Variants in ARHGAP35 observed in about 807,000 individuals in gnomAD.
The protein encoded by ARHGAP35 is rho GTPase-activating protein 35.
ARHGAP35 carries 15 observed loss-of-function variants against 111.1 expected under a neutral mutation model. The ratio of observed to expected loss-of-function variants is 0.13; its 90% confidence interval spans 0.09 to 0.21. The LOEUF (loss-of-function observed/expected upper bound fraction) is 0.21, where lower values mean the gene tolerates loss of function less well. ARHGAP35 is among the 10% of genes least tolerant of loss of function. The pLI is 1.00. For synonymous variants in ARHGAP35, 643 were observed against 710.3 expected (o/e 0.91, Z 1.51); for missense variants, 1,262 against 1,873.0 (o/e 0.67, Z 6.02).
At chr19:46,867,750 T>TA (rs1478133874) in intron 1 of ARHGAP35, among the ~76,000 whole-genome samples, 5 of 152,110 alleles carry the variant, frequency 3.3e-5, no homozygotes, top group African/African-American at 1.2e-4. Flanking sequence ...AAACAGGTGC[T>TA]AAAGTTTTTT....
At chr19:46,949,899 C>T (rs1435607369) in intron 3 of ARHGAP35, among the ~76,000 whole-genome samples, 3 of 152,150 alleles carry the variant, frequency 2.0e-5, no homozygotes, top group Admixed American at 2.0e-4. Flanking sequence ...CCCAATGGGA[C>T]GTTTCCCCAA....
At chr19:46,964,656 CCCTCTGAA>C (rs1167348488) in intron 3 of ARHGAP35, among the ~76,000 whole-genome samples, 3 of 152,302 alleles carry the variant, frequency 2.0e-5, no homozygotes, top group South Asian at 2.1e-4. Flanking sequence ...TTTCAGCTGA[CCCTCTGAA>C]TGTGGGATAA....
chr19:46,883,265 T>C (rs2055973168), intron 1 of ARHGAP35, among the ~76,000 whole-genome samples: 1 of 151,718 alleles, frequency 6.6e-6, no homozygotes, highest in Non-Finnish European at 1.5e-5. Flanking sequence ...TGGCTAATTT[T>C]TTTTTTTTTT....
intron 1 of ARHGAP35, among the ~76,000 whole-genome samples, chr19:46,865,376 C>T (rs2055849823): frequency 6.6e-6 from 1 of 152,124 alleles, no homozygotes; most frequent in Admixed American, 6.5e-5. Context: ...GGCCATGCTC[C>T]CCACCCGCCC....
At chr19:46,998,714 T>C (rs2056729329) in intron 5 of ARHGAP35, among the ~76,000 whole-genome samples, 1 of 152,236 alleles carries the variant, frequency 6.6e-6, no homozygotes, top group African/African-American at 2.4e-5. Context: ...GATTCCATGA[T>C]AGGCAAAGTG....
At chr19:46,944,629 G>C (rs2056368269) in intron 3 of ARHGAP35, among the ~76,000 whole-genome samples, 1 of 152,204 alleles carries the variant, frequency 6.6e-6, no homozygotes, top group Non-Finnish European at 1.5e-5. Flanking sequence ...GAGGGTCTCT[G>C]GAAGTGTGGG....
intron 1 of ARHGAP35, among the ~76,000 whole-genome samples, chr19:46,886,560 G>T (rs559804683): frequency 1.4e-4 from 22 of 152,192 alleles, no homozygotes; most frequent in African/African-American, 5.1e-4. Flanking sequence ...TTAACTGTAG[G>T]ATAAATTGCC....
intron 1 of ARHGAP35, among the ~76,000 whole-genome samples, chr19:46,868,722 G>A (rs552134116): frequency 1.3e-5 from 2 of 152,090 alleles, no homozygotes; most frequent in South Asian, 2.1e-4. Context: ...AAGTAGAAAA[G>A]TATTTGGGTA....
chr19:46,866,223 G>A (rs560013341), intron 1 of ARHGAP35, among the ~76,000 whole-genome samples: 3 of 152,288 alleles, frequency 2.0e-5, no homozygotes, highest in South Asian at 4.1e-4. Flanking sequence ...TCTTTTTCAC[G>A]ATCTGTAAAA....
rs188568931 is a variant in ARHGAP35, at chr19:46,992,625, G to T, written c.4036+2950G>T. 4.6e-5 allele frequency among the ~76,000 whole-genome samples: 7 copies of T among 152,254 alleles called. No individual in the cohort carries two copies. The highest frequency in any genetic ancestry group is 1.0e-4 in the Non-Finnish European group (7 of 68,036). ...TCCTATGGCTTTTGTGCTGGAAGGG[G>T]TGCTAGAGCTGGCTCCGTCTCAAGC... On this transcript the variant is annotated intron_variant, in intron 5 of 6. Transcript: ENST00000672722. This position sits in a 1 kb window ranked among gnomAD's most constrained non-coding sequence, Gnocchi z 4.4.
At chr19:46,911,046 T>C (rs1323982950) in intron 1 of ARHGAP35, among the ~76,000 whole-genome samples, 1 of 152,234 alleles carries the variant, frequency 6.6e-6, no homozygotes, top group Non-Finnish European at 1.5e-5. Flanking sequence ...AACATACAGC[T>C]TGTTGATAAT....
At chr19:46,880,750 A>G (rs1319576147) in intron 1 of ARHGAP35, among the ~76,000 whole-genome samples, 1 of 151,802 alleles carries the variant, frequency 6.6e-6, no homozygotes, top group Non-Finnish European at 1.5e-5. Flanking sequence ...GATCATAGCT[A>G]CTGCAACTTT....
chr19:46,946,378 TG>T (rs772088878), intron 3 of ARHGAP35, among the ~76,000 whole-genome samples: 2 of 152,166 alleles, frequency 1.3e-5, no homozygotes, highest in African/African-American at 2.4e-5. Context: ...TTAGTCTGGC[TG>T]GAAAAAAGGT....
At position 47,001,078 on chromosome 19, in the gene ARHGAP35, T is replaced by C; in HGVS notation, c.*390T>C. The stretch of plus-strand genomic sequence containing the variant: ...GCCGGGGAGGAGGATGCTCTGAGAT[T>C]CAGGGTGGGGCTGGCAACCCCTGAA... On this transcript the variant is annotated 3_prime_UTR_variant, in exon 7 of 7. Transcript: ENST00000672722. This position sits in a 1 kb window ranked among gnomAD's most constrained non-coding sequence, Gnocchi z 5.4. The C allele has an allele frequency of 7.7e-7, 1 of 1,298,104 alleles. No homozygotes were observed. Among genetic ancestry groups the C allele is most frequent in the East Asian group, 4.5e-5 (1 of 22,296 alleles). The allele number at this position is 1,298,104 out of a possible 1,614,324, so 80.4% of individuals were successfully genotyped here.
rs894375491 is a variant in ARHGAP35 at position 46,920,444 on chromosome 19, T to G, written c.1769T>G (p.Leu590Arg). ...RPSDRNQKNS[L>R]SDPNIDRINL... Reference sequence around the variant, plus strand: ...TCTGACCGGAATCAGAAAAATTCACTCTCTGACCCTAACATTGATAGAATC... The same window carrying G: ...TCTGACCGGAATCAGAAAAATTCACGCTCTGACCCTAACATTGATAGAATC... Residue 590 changes from leucine to arginine, a missense_variant, in exon 2 of 7, where the codon CTC (leucine) becomes CGC (arginine). By Grantham distance (102) the Leu-to-Arg change is moderately radical. This residue lies in a region of ARHGAP35 where 328 missense variants were observed against 440.8 expected (regional missense o/e 0.74). Transcript: ENST00000672722. This position sits in a 1 kb window ranked among gnomAD's most constrained non-coding sequence, Gnocchi z 7.0. 3 of 1,613,846 alleles carry G rather than the reference T, an allele frequency of 1.9e-6. No homozygotes were observed. The African/African-American group carries it at 4.0e-5, about 22-fold the overall frequency.
intron 2 of ARHGAP35, among the ~76,000 whole-genome samples, chr19:46,925,222 GGAAAATGGTGCTTT>G (rs2056231158): frequency 1.3e-5 from 2 of 152,160 alleles, no homozygotes; most frequent in Non-Finnish European, 2.9e-5. Flanking sequence ...TTCCTGCCTT[GGAAAATGGTGCTTT>G]GAAATGAGGG....
chr19:46,879,336 C>G (rs2055944854), intron 1 of ARHGAP35, among the ~76,000 whole-genome samples: 1 of 151,984 alleles, frequency 6.6e-6, no homozygotes, highest in Non-Finnish European at 1.5e-5. Context: ...CACCTATAAT[C>G]CCAGCACTTA....
chr19:46,866,278 C>T (rs1435476891), intron 1 of ARHGAP35, among the ~76,000 whole-genome samples: 1 of 152,188 alleles, frequency 6.6e-6, no homozygotes, highest in Admixed American at 6.5e-5. Context: ...AGGTGACTAG[C>T]ACAAATACCT....
chr19:46,869,170 G>C (rs2055874464), intron 1 of ARHGAP35, among the ~76,000 whole-genome samples: 1 of 152,058 alleles, frequency 6.6e-6, no homozygotes, highest in South Asian at 2.1e-4. Context: ...GCCTCCCAGA[G>C]TGCTGGGATT....
Sources: gnomAD v4.1 joint callset for allele counts (sites outside exome capture counted in the v4.1 genomes callset) on GRCh38, gnomAD v4.1.1 for gene constraint, gnomAD v4.1.1 regional missense constraint, Gnocchi (gnomAD v3.1) non-coding constraint, MANE v1.5 for transcripts, NCBI Gene and HGNC (gene_info 2026-07-23, HGNC 2026-07-21) for gene names.